KIAA1328: variants seen among roughly 807,000 people sequenced by gnomAD.
KIAA1328 encodes protein hinderin.
A neutral mutation model predicts 68.1 loss-of-function variants in KIAA1328; 52 were observed. The ratio of observed to expected loss-of-function variants is 0.76; its 90% CI spans 0.61 to 0.96. KIAA1328 has a LOEUF of 0.96. KIAA1328 is among the 40% of genes least tolerant of loss of function. The pLI is 0.00. For missense variants in KIAA1328, 641 were observed against 677.6 expected, an observed-to-expected ratio of 0.95 and a Z score of 0.60; for synonymous variants, 232 against 239.4, an observed-to-expected ratio of 0.97 and a Z score of 0.28.
intron 4 of KIAA1328, among the ~76,000 whole-genome samples, chr18:36,847,066 A>G (rs1184250903): frequency 6.6e-6 from 1 of 151,384 alleles, no homozygotes; most frequent in Non-Finnish European, 1.5e-5. Flanking sequence ...TTACAGCATA[A>G]TGTTTTTAGT....
At chr18:37,059,008 G>A (rs959087793) in intron 6 of KIAA1328, among the ~76,000 whole-genome samples, 1 of 151,614 alleles carries the variant, frequency 6.6e-6, no homozygotes, top group East Asian at 1.9e-4. Context: ...TATATTTCAC[G>A]TTAAAGAAGT....
At chr18:36,901,082 A>G (rs1479808865) in intron 5 of KIAA1328, among the ~76,000 whole-genome samples, 1 of 152,008 alleles carries the variant, frequency 6.6e-6, no homozygotes, top group Non-Finnish European at 1.5e-5. Flanking sequence ...GTTCCTTATG[A>G]ATATTTAGAG....
In KIAA1328 at chr18:37,067,559, G is replaced by A; in HGVS notation, c.1232+14G>A. 2 of 1,424,062 alleles carry A rather than the reference G, an allele frequency of 1.4e-6. No individual in the cohort carries two copies. Among genetic ancestry groups the A allele is most frequent in the Non-Finnish European group, 1.8e-6 (2 of 1,095,222 alleles). The allele number at this position is 1,424,062 out of a possible 1,614,324, so 88.2% of individuals were successfully genotyped here. On this transcript the variant is annotated intron_variant, in intron 7 of 9. Transcript: ENST00000280020. The stretch of plus-strand genomic sequence containing the variant: ...GGATTACAATTGGTGAGTACTGCCT[G>A]TTCTTTTTTTTTTTTTTTTGAGACG...
At chr18:37,153,553 T>C (rs1376087498) in intron 7 of KIAA1328, among the ~76,000 whole-genome samples, 1 of 151,496 alleles carries the variant, frequency 6.6e-6, no homozygotes, top group Non-Finnish European at 1.5e-5. Context: ...TAGAAATGAC[T>C]ATATAGGTAC....
chr18:36,987,372 T>C (rs1339460841), intron 6 of KIAA1328, among the ~76,000 whole-genome samples: 1 of 147,310 alleles, frequency 6.8e-6, no homozygotes, highest in East Asian at 2.0e-4. Context: ...CATTGGGAGA[T>C]ATACCTAATG....
downstream of KIAA1328, chr18:37,230,233 T>C (rs2060658666): frequency 6.6e-6 from 1 of 152,248 alleles, no homozygotes; most frequent in South Asian, 2.1e-4. Context: ...ATTAGTTAGT[T>C]TCCCACTGCC....
chr18:37,043,052 A>G (rs900233398), intron 6 of KIAA1328, among the ~76,000 whole-genome samples: 1 of 151,974 alleles, frequency 6.6e-6, no homozygotes, highest in African/African-American at 2.4e-5. Flanking sequence ...AATTTTTTGT[A>G]CTTTTCAATG....
At chr18:36,855,780 T>C (rs2047362205) in intron 4 of KIAA1328, among the ~76,000 whole-genome samples, 1 of 151,876 alleles carries the variant, frequency 6.6e-6, no homozygotes, top group Non-Finnish European at 1.5e-5. Flanking sequence ...TTAACTATTA[T>C]ATTTAAGTAT....
chr18:37,144,769 ATCC>A (rs2058857417), intron 7 of KIAA1328, among the ~76,000 whole-genome samples: 1 of 152,022 alleles, frequency 6.6e-6, no homozygotes, highest in Non-Finnish European at 1.5e-5. Context: ...GTTTGAAGTT[ATCC>A]TCCTGTCTCC....
intron 4 of KIAA1328, among the ~76,000 whole-genome samples, chr18:36,864,304 G>GT (rs201692806): frequency 0.14 from 19,550 of 138,838 alleles, 1,605 homozygotes; most frequent in Non-Finnish European, 0.19. Flanking sequence ...TGTTATAATT[G>GT]TTTTTTTTTT....
At chr18:36,845,192 G>A (rs760995173) in intron 4 of KIAA1328, among the ~76,000 whole-genome samples, 15 of 151,686 alleles carry the variant, frequency 9.9e-5, no homozygotes, top group Non-Finnish European at 1.6e-4. Flanking sequence ...CAAAGTACAC[G>A]CCTTAGTCTG....
chr18:37,014,960 T>C (rs2054100969), intron 6 of KIAA1328, among the ~76,000 whole-genome samples: 1 of 152,224 alleles, frequency 6.6e-6, no homozygotes, highest in African/African-American at 2.4e-5. Flanking sequence ...TGGAGTGCAG[T>C]GGCACGATCT....
intron 9 of KIAA1328, among the ~76,000 whole-genome samples, chr18:37,189,739 T>A (rs532296664): frequency 6.6e-6 from 1 of 152,158 alleles, no homozygotes. Flanking sequence ...TTAGGGAGGG[T>A]TTATTCAAGA....
chr18:37,219,460 C>T (rs1319600994), intron 9 of KIAA1328, among the ~76,000 whole-genome samples: 10 of 152,216 alleles, frequency 6.6e-5, no homozygotes, highest in African/African-American at 2.2e-4. Flanking sequence ...AGGCAGGCCT[C>T]GTTGACCTGC....
At chr18:36,903,458 A>G (rs1237772840) in intron 5 of KIAA1328, among the ~76,000 whole-genome samples, 1 of 152,126 alleles carries the variant, frequency 6.6e-6, no homozygotes, top group African/African-American at 2.4e-5. Flanking sequence ...GGGGAAGGGC[A>G]GAAGGACTGA....
At chr18:36,874,429 T>TG in intron 4 of KIAA1328, among the ~76,000 whole-genome samples, 1 of 152,366 alleles carries the variant, frequency 6.6e-6, no homozygotes, top group Admixed American at 6.5e-5. Context: ...ATTTCTTTAA[T>TG]GACCAGTGGT....
At chr18:37,082,666 A>G (rs2056987465) in intron 7 of KIAA1328, among the ~76,000 whole-genome samples, 1 of 152,234 alleles carries the variant, frequency 6.6e-6, no homozygotes, top group Admixed American at 6.5e-5. Flanking sequence ...TTGGCATGAC[A>G]TTGGCATTTA....
intron 4 of KIAA1328, among the ~76,000 whole-genome samples, chr18:36,846,605 C>G (rs1195675071): frequency 1.3e-5 from 2 of 151,512 alleles, no homozygotes; most frequent in African/African-American, 4.8e-5. Flanking sequence ...TTCCTCTAGA[C>G]CTTTTACAGT....
chr18:37,214,550 T>C (rs1263758752), intron 9 of KIAA1328, among the ~76,000 whole-genome samples: 3 of 152,224 alleles, frequency 2.0e-5, no homozygotes, highest in Non-Finnish European at 4.4e-5. Flanking sequence ...TTGGTTATTG[T>C]AGCCTTGTAG....
Sources: gnomAD v4.1 joint callset for allele counts (sites outside exome capture counted in the v4.1 genomes callset) on GRCh38, gnomAD v4.1.1 for gene constraint, MANE v1.5 for transcripts, NCBI Gene and HGNC (gene_info 2026-07-23, HGNC 2026-07-21) for gene names.